MTHFD2L: variants seen among roughly 807,000 people sequenced by gnomAD.
MTHFD2L encodes the protein bifunctional methylenetetrahydrofolate dehydrogenase/cyclohydrolase 2, mitochondrial.
MTHFD2L carries 29 observed loss-of-function variants against 34.9 expected under a neutral mutation model. The observed-to-expected ratio is 0.83, with a 90% CI of 0.62 to 1.13. The LOEUF (loss-of-function observed/expected upper bound fraction) is 1.13, where lower values mean the gene tolerates loss of function less well. Ranked by LOEUF, MTHFD2L falls within the 50% of genes most tolerant of loss-of-function variation. The probability of loss-of-function intolerance (pLI) is 0.00; values close to 1 mark genes in which losing one functional copy is unlikely to be tolerated. For missense variants in MTHFD2L, 481 were observed against 446.5 expected (o/e 1.08, Z -0.70); for synonymous variants, 167 against 155.7 (o/e 1.07, Z -0.54).
intron 5 of MTHFD2L, 39 bp downstream of exon 5, chr4:74,201,409 A>G (rs915058732): frequency 1.4e-6 from 2 of 1,431,840 alleles, no homozygotes; most frequent in Non-Finnish European, 9.8e-7. Flanking sequence ...CTCTCGCAGT[A>G]TTCTTACTTC....
intron 6 of MTHFD2L, chr4:74,268,092 G>T: frequency 4.1e-6 from 4 of 984,988 alleles, no homozygotes; most frequent in Non-Finnish European, 4.8e-6. Flanking sequence ...GAAATGTTCT[G>T]TGGTCACTGC....
At chr4:74,180,595 C>T in intron 3 of MTHFD2L, 1 of 333,616 alleles carries the variant, frequency 3.0e-6, no homozygotes, top group South Asian at 2.2e-5. Flanking sequence ...TTCCATGCAT[C>T]TCATTTGAGC....
intron 1 of MTHFD2L, among the ~76,000 whole-genome samples, chr4:74,142,407 T>C (rs1723331495): frequency 6.6e-6 from 1 of 152,158 alleles, no homozygotes; most frequent in African/African-American, 2.4e-5. Flanking sequence ...AACAGACCAG[T>C]GGGCTAGCTT....
At chr4:74,208,614 G>T (rs535017876) in intron 5 of MTHFD2L, among the ~76,000 whole-genome samples, 1 of 152,106 alleles carries the variant, frequency 6.6e-6, no homozygotes, top group Non-Finnish European at 1.5e-5. Flanking sequence ...GAGAAAAATG[G>T]AATTTATTGG....
intron 3 of MTHFD2L, among the ~76,000 whole-genome samples, chr4:74,192,843 AAGTTCTTTAACTGAT>A (rs1732796642): frequency 6.6e-6 from 1 of 152,016 alleles, no homozygotes; most frequent in Non-Finnish European, 1.5e-5. Flanking sequence ...ATCTGGTTAC[AAGTTCTTTAACTGAT>A]AGGTGTTTTG....
chr4:74,200,013 T>C, intron 4 of MTHFD2L, 67 bp downstream of exon 4: 1 of 1,431,248 alleles, frequency 7.0e-7, no homozygotes, highest in Non-Finnish European at 9.8e-7. Context: ...GCACTGAGAC[T>C]TGATGGGACT....
chr4:74,221,185 C>T (rs1272416734), intron 5 of MTHFD2L, among the ~76,000 whole-genome samples: 1 of 147,392 alleles, frequency 6.8e-6, no homozygotes, highest in South Asian at 2.1e-4. Context: ...AAATTATAGT[C>T]TATCTAATTA....
At chr4:74,265,058 G>A (rs1745118446) in intron 6 of MTHFD2L, among the ~76,000 whole-genome samples, 2 of 152,066 alleles carry the variant, frequency 1.3e-5, no homozygotes, top group Admixed American at 1.3e-4. Context: ...ATAACTGAGA[G>A]TAAGAACTTT....
At chr4:74,257,597 G>A (rs1578638057) in intron 6 of MTHFD2L, among the ~76,000 whole-genome samples, 1 of 152,080 alleles carries the variant, frequency 6.6e-6, no homozygotes, top group Admixed American at 6.6e-5. Flanking sequence ...TCAAACTTTA[G>A]CAAACCTAAA....
upstream of MTHFD2L, among the ~76,000 whole-genome samples, chr4:74,123,696 T>C (rs1480870636): frequency 1.3e-5 from 2 of 152,098 alleles, no homozygotes; most frequent in African/African-American, 4.8e-5. Flanking sequence ...AGGTAAAATT[T>C]AGGGGATTTT....
At chr4:74,146,672 T>G (rs950818948) in intron 1 of MTHFD2L, among the ~76,000 whole-genome samples, 1 of 152,212 alleles carries the variant, frequency 6.6e-6, no homozygotes, top group Non-Finnish European at 1.5e-5. Flanking sequence ...TTCCTATATC[T>G]GGATATTTAA....
intron 6 of MTHFD2L, among the ~76,000 whole-genome samples, chr4:74,265,081 A>T (rs192589720): frequency 1.4e-4 from 21 of 152,060 alleles, no homozygotes; most frequent in African/African-American, 4.8e-4. Context: ...TTTTTACTTC[A>T]TGCTATTGCT....
intron 5 of MTHFD2L, among the ~76,000 whole-genome samples, chr4:74,215,621 G>A (rs1159163245): frequency 2.0e-5 from 3 of 151,802 alleles, no homozygotes; most frequent in Non-Finnish European, 4.4e-5. Flanking sequence ...GGGAGCTGCA[G>A]ACTGGAGCTG....
At chr4:74,220,801 A>T (rs1050637722) in intron 5 of MTHFD2L, among the ~76,000 whole-genome samples, 1 of 151,274 alleles carries the variant, frequency 6.6e-6, no homozygotes, top group Non-Finnish European at 1.5e-5. Flanking sequence ...AATTATCTCA[A>T]TGTTTCTTAT....
intron 5 of MTHFD2L, among the ~76,000 whole-genome samples, chr4:74,215,794 A>G (rs1000779983): frequency 3.0e-4 from 46 of 151,822 alleles, no homozygotes; most frequent in Admixed American, 1.2e-3. Context: ...AGAGCCAAAG[A>G]CTTTTACTAA....
At chr4:74,159,966 T>C in intron 1 of MTHFD2L, 1 of 890,368 alleles carries the variant, frequency 1.1e-6, no homozygotes, top group Non-Finnish European at 1.4e-6. Flanking sequence ...GGCCCCAAGG[T>C]TGAGAAACAC....
Position 74,142,489 on chromosome 4 carries a change from A to T in MTHFD2L, c.-297+16972A>T, listed in dbSNP as rs539173432. ...TAACCTAGAAGAGGACTCTCACCAAAGCCTAACTACGCTGGCAACCTGACT... is the reference window on the plus strand; with the variant it reads ...TAACCTAGAAGAGGACTCTCACCAATGCCTAACTACGCTGGCAACCTGACT... On this transcript the variant is annotated intron_variant, in intron 1 of 7. Transcript: ENST00000433372. 2.3e-4 allele frequency among the ~76,000 whole-genome samples: 35 copies of T among 152,286 alleles called. No individual in the cohort carries two copies. The South Asian group carries it at 6.4e-3, about 28-fold the overall frequency.
chr4:74,197,455 A>C (rs1227218986), intron 3 of MTHFD2L, among the ~76,000 whole-genome samples: 1 of 152,164 alleles, frequency 6.6e-6, no homozygotes, highest in Non-Finnish European at 1.5e-5. Flanking sequence ...TAATCTAGGA[A>C]TAGTGTTATA....
At chr4:74,292,429 T>G (rs1175222137) in intron 7 of MTHFD2L, among the ~76,000 whole-genome samples, 1 of 152,172 alleles carries the variant, frequency 6.6e-6, no homozygotes, top group African/African-American at 2.4e-5. Context: ...CAAATACCTA[T>G]GGAAGGGAGA....
Sources: gnomAD v4.1 joint callset for allele counts (sites outside exome capture counted in the v4.1 genomes callset) on GRCh38, gnomAD v4.1.1 for gene constraint, MANE v1.5 for transcripts, NCBI Gene and HGNC (gene_info 2026-07-23, HGNC 2026-07-21) for gene names.